EYS: variants seen among roughly 807,000 people sequenced by gnomAD.
EYS encodes the protein protein eyes shut homolog.
EYS carries 250 observed loss-of-function variants against 282.1 expected under a neutral mutation model. That is an observed-to-expected ratio of 0.89 (90% CI 0.80 to 0.98). The LOEUF (loss-of-function observed/expected upper bound fraction) is 0.98. EYS is among the 50% of genes least tolerant of loss of function. EYS has a pLI of 0.00. For synonymous variants in EYS, 1,355 were observed against 1,282.9 expected (o/e 1.06, Z -1.20); for missense variants, 4,016 against 3,709.0 (o/e 1.08, Z -2.15).
intron 31 of EYS, among the ~76,000 whole-genome samples, chr6:64,218,869 A>G (rs1023504595): frequency 1.3e-5 from 2 of 152,168 alleles, no homozygotes; most frequent in East Asian, 1.9e-4. Flanking sequence ...CTGGGATCCA[A>G]TTGATGATGA....
At chr6:63,993,566 T>G (rs1020576947) in intron 34 of EYS, among the ~76,000 whole-genome samples, 3 of 151,702 alleles carry the variant, frequency 2.0e-5, no homozygotes, top group Non-Finnish European at 2.9e-5. Context: ...ATTTTATCTA[T>G]AATACATGAA....
chr6:65,641,466 T>A (rs1050950322), intron 1 of EYS, among the ~76,000 whole-genome samples: 1 of 152,222 alleles, frequency 6.6e-6, no homozygotes, highest in African/African-American at 2.4e-5. Flanking sequence ...TGTCCACCCA[T>A]ACTGGTTCTT....
At chr6:65,492,665 T>G (rs1387069086) in intron 4 of EYS, among the ~76,000 whole-genome samples, 4 of 152,164 alleles carry the variant, frequency 2.6e-5, no homozygotes, top group African/African-American at 7.2e-5. Context: ...CTGCCTTAAC[T>G]TTAATCACCT....
At chr6:63,844,520 G>C (rs1772047655) in intron 36 of EYS, among the ~76,000 whole-genome samples, 1 of 151,918 alleles carries the variant, frequency 6.6e-6, no homozygotes, top group African/African-American at 2.4e-5. Context: ...AGCATCTGTT[G>C]TTTCTTGACT....
At chr6:65,051,071 T>C (rs949317022) in intron 13 of EYS, among the ~76,000 whole-genome samples, 3 of 151,662 alleles carry the variant, frequency 2.0e-5, no homozygotes, top group African/African-American at 7.2e-5. Flanking sequence ...ATTTTCATTT[T>C]ACTTGTCTAT....
intron 22 of EYS, among the ~76,000 whole-genome samples, chr6:64,739,435 GT>G (rs1772294250): frequency 6.6e-6 from 1 of 152,140 alleles, no homozygotes; most frequent in Non-Finnish European, 1.5e-5. Context: ...AAAGACTAAA[GT>G]TTAGCAATAA....
chr6:64,530,739 C>A (rs778624113), intron 26 of EYS, among the ~76,000 whole-genome samples: 1 of 152,150 alleles, frequency 6.6e-6, no homozygotes, highest in African/African-American at 2.4e-5. Context: ...TGAAAAACAT[C>A]TCCTGGCTAG....
intron 10 of EYS, among the ~76,000 whole-genome samples, chr6:65,336,161 G>A (rs1014961705): frequency 4.0e-5 from 6 of 151,576 alleles, no homozygotes; most frequent in Non-Finnish European, 5.9e-5. Flanking sequence ...ATAAATCACC[G>A]AGTCTCAGGT....
Position 63,854,071 on chromosome 6 carries a change from A to G in EYS, c.7228+10115T>C, listed in dbSNP as rs992744157. On this transcript the variant is annotated intron_variant, in intron 36 of 42. Coordinates refer to ENST00000503581, the MANE Select transcript of EYS (RefSeq NM_001142800.2). ...TGATTCCTCAAGGATCTAGAACTAG[A>G]AATACCACTTGACCCAGCAATCCTA... Among the ~76,000 whole-genome samples the G allele has an allele frequency of 2.0e-5, 3 of 152,216 alleles. No homozygotes were observed. The East Asian group carries it at 5.8e-4, about 29-fold the overall frequency.
intron 42 of EYS, among the ~76,000 whole-genome samples, chr6:63,725,836 G>T (rs1031233418): frequency 3.3e-5 from 5 of 152,018 alleles, no homozygotes; most frequent in African/African-American, 9.7e-5. Context: ...TATCAAAATT[G>T]TTTCTCATTT....
intron 35 of EYS, among the ~76,000 whole-genome samples, chr6:63,881,178 A>T (rs912015226): frequency 6.6e-6 from 1 of 152,056 alleles, no homozygotes; most frequent in Middle Eastern, 3.4e-3. Flanking sequence ...ATTTGGGGGG[A>T]TCGTTTTAAG....
At chr6:65,300,400 C>T (rs10455574) in intron 11 of EYS, among the ~76,000 whole-genome samples, 7,038 of 152,224 alleles carry the variant, frequency 0.046, 223 homozygotes, top group South Asian at 0.092. Context: ...AAAATGTTCA[C>T]ATATTGTAGA....
intron 26 of EYS, among the ~76,000 whole-genome samples, chr6:64,470,003 G>C (rs1039644293): frequency 6.6e-6 from 1 of 152,172 alleles, no homozygotes; most frequent in Non-Finnish European, 1.5e-5. Flanking sequence ...GCCAGGCAGG[G>C]AAGGGCCCCC....
intron 26 of EYS, among the ~76,000 whole-genome samples, chr6:64,526,664 T>C (rs1165631214): frequency 2.0e-5 from 3 of 151,792 alleles, no homozygotes; most frequent in Non-Finnish European, 3.0e-5. Flanking sequence ...CTGATCATCT[T>C]TGGAAATAGG....
At chr6:63,795,083 C>T (rs1482672225) in intron 37 of EYS, among the ~76,000 whole-genome samples, 1 of 152,128 alleles carries the variant, frequency 6.6e-6, no homozygotes, top group Admixed American at 6.5e-5. Flanking sequence ...GGAAAAAAAA[C>T]TGGATCTCTC....
intron 5 of EYS, among the ~76,000 whole-genome samples, chr6:65,425,973 A>G (rs1049631254): frequency 1.2e-4 from 19 of 152,094 alleles, no homozygotes; most frequent in African/African-American, 4.6e-4. Flanking sequence ...GTCAAACAGA[A>G]GAATTCCATT....
chr6:64,899,081 TG>T (rs577738413), intron 18 of EYS, among the ~76,000 whole-genome samples: 52 of 152,236 alleles, frequency 3.4e-4, no homozygotes, highest in Admixed American at 2.7e-3. Flanking sequence ...ATTCAGGACT[TG>T]AACGCAACTC....
chr6:64,914,077 A>T (rs1768087978), intron 15 of EYS, among the ~76,000 whole-genome samples: 1 of 152,014 alleles, frequency 6.6e-6, no homozygotes, highest in African/African-American at 2.4e-5. Flanking sequence ...AGGAGGGGGA[A>T]AGTGTTTTAC....
chr6:64,600,131 G>T (rs949751045), intron 24 of EYS, among the ~76,000 whole-genome samples: 1 of 152,030 alleles, frequency 6.6e-6, no homozygotes, highest in Admixed American at 6.6e-5. Flanking sequence ...CAGGTGACTT[G>T]TTCCTCTTTC....
Sources: gnomAD v4.1 joint callset for allele counts (sites outside exome capture counted in the v4.1 genomes callset) on GRCh38, gnomAD v4.1.1 for gene constraint, MANE v1.5 for transcripts, NCBI Gene and HGNC (gene_info 2026-07-23, HGNC 2026-07-21) for gene names.